The following ZNF407 variants were observed in gnomAD, a reference collection of about 807,000 sequenced individuals.
ZNF407 encodes zinc finger protein 407.
Under a neutral mutation model 131.2 loss-of-function variants are expected in ZNF407, and 17 were observed. That is an observed-to-expected ratio of 0.13 (90% CI 0.09 to 0.19). The LOEUF is 0.19. Among genes scored for constraint, ZNF407 ranks in the 10% least tolerant of loss-of-function variants. ZNF407 has a pLI of 1.00. For synonymous variants in ZNF407, 1,156 were observed against 1,062.0 expected, an observed-to-expected ratio of 1.09 and a Z score of -1.72; for missense variants, 2,681 against 2,830.6, an observed-to-expected ratio of 0.95 and a Z score of 1.20.
chr18:74,732,486 A>G (rs1968316346), intron 3 of ZNF407, among the ~76,000 whole-genome samples: 1 of 152,194 alleles, frequency 6.6e-6, no homozygotes, highest in Non-Finnish European at 1.5e-5. Flanking sequence ...CCTCTAAGCC[A>G]AGATGAGAGT....
chr18:74,863,134 TG>T (rs1199674034), intron 4 of ZNF407, among the ~76,000 whole-genome samples: 4 of 151,958 alleles, frequency 2.6e-5, no homozygotes, highest in African/African-American at 7.2e-5. Flanking sequence ...TTGACCAGGC[TG>T]GTCTTGAACT....
rs1972955700 is a variant in ZNF407, at chr18:75,010,039, A to G, written c.5429-53111A>G. On this transcript the variant is annotated intron_variant, in intron 8 of 8. Transcript: ENST00000299687. ...AAAGTGTAGAAATGCTAAAAGTCAC[A>G]AAGTGGGAAAAGAAAACATTATGCA... Among the ~76,000 whole-genome samples the G allele has an allele frequency of 2.6e-5, 4 of 152,226 alleles. No homozygotes were observed. In the South Asian group the frequency reaches 8.3e-4, roughly 32 times the overall value.
At chr18:74,681,605 AT>A (rs1966984712) in intron 3 of ZNF407, among the ~76,000 whole-genome samples, 4 of 152,248 alleles carry the variant, frequency 2.6e-5, no homozygotes, top group Admixed American at 2.6e-4. Flanking sequence ...TAGACCTTAG[AT>A]TTGTACGATG....
At chr18:74,621,323 G>A (rs1983500541) in intron 1 of ZNF407, among the ~76,000 whole-genome samples, 1 of 152,078 alleles carries the variant, frequency 6.6e-6, no homozygotes, top group South Asian at 2.1e-4. Flanking sequence ...AAAGCAATAA[G>A]CATTTATCAT....
In ZNF407 at chr18:74,640,999, T is replaced by A. The variant is rs1452865612; in HGVS notation, c.4688-9T>A. 6.2e-7 allele frequency: 1 copy of A among 1,602,718 alleles called. No homozygotes were observed. Among genetic ancestry groups the A allele is most frequent in the South Asian group, 1.1e-5 (1 of 90,802 alleles). On this transcript the variant is annotated splice_polypyrimidine_tract_variant and intron_variant, in intron 2 of 8. Coordinates refer to ENST00000299687, the MANE Select transcript of ZNF407 (RefSeq NM_017757.3). ...AAATCAAATCATATTTTATGTTAAATTTACTCAGGATCAAAACCATTCAAG... is the reference window on the plus strand; with the variant it reads ...AAATCAAATCATATTTTATGTTAAAATTACTCAGGATCAAAACCATTCAAG...
rs186285820 is a variant in ZNF407 at position 74,821,256 on chromosome 18, A to G, written c.4877+39754A>G. 1.4e-4 allele frequency among the ~76,000 whole-genome samples: 21 copies of G among 152,078 alleles called. No homozygotes were observed. The East Asian group carries it at 3.5e-3, about 25-fold the overall frequency. On this transcript the variant is annotated intron_variant, in intron 4 of 8. Transcript: ENST00000299687. ...AAGTTTTAGACTTAGTTTTCAAGGC[A>G]TTGAGAAGCTATGCAGTATTATTTT...
chr18:74,629,847 A>G (rs912173377), intron 1 of ZNF407, among the ~76,000 whole-genome samples: 3 of 152,238 alleles, frequency 2.0e-5, no homozygotes, highest in Non-Finnish European at 2.9e-5. Context: ...ATTAAATAGC[A>G]TAATGAAAAA....
chr18:74,999,257 A>G (rs1599286281), intron 8 of ZNF407, among the ~76,000 whole-genome samples: 1 of 103,970 alleles, frequency 9.6e-6, no homozygotes, highest in East Asian at 3.0e-4. Flanking sequence ...TAGATGACAC[A>G]TTAGTGGGTG....
chr18:75,012,091 A>T (rs1972980885), intron 8 of ZNF407, among the ~76,000 whole-genome samples: 1 of 152,178 alleles, frequency 6.6e-6, no homozygotes, highest in Admixed American at 6.5e-5. Flanking sequence ...CTGTAACACT[A>T]GCACTCTGTT....
chr18:74,844,227 C>A (rs920616413), intron 4 of ZNF407, among the ~76,000 whole-genome samples: 6 of 152,158 alleles, frequency 3.9e-5, no homozygotes, highest in African/African-American at 1.4e-4. Flanking sequence ...TTCTCCTCCC[C>A]CATGGCGTGA....
At chr18:74,679,425 A>G (rs1434156777) in intron 3 of ZNF407, among the ~76,000 whole-genome samples, 2 of 152,318 alleles carry the variant, frequency 1.3e-5, no homozygotes, top group Non-Finnish European at 1.5e-5. Flanking sequence ...TACGGGGTGA[A>G]GTCTGATTCT....
chr18:74,934,632 C>A (rs962480717), intron 8 of ZNF407, among the ~76,000 whole-genome samples: 1 of 152,134 alleles, frequency 6.6e-6, no homozygotes, highest in Non-Finnish European at 1.5e-5. Context: ...ATGGCAAAAC[C>A]CCGTCTCTAC....
chr18:75,016,683 T>C (rs1412844980), intron 8 of ZNF407, among the ~76,000 whole-genome samples: 1 of 152,194 alleles, frequency 6.6e-6, no homozygotes, highest in Non-Finnish European at 1.5e-5. Flanking sequence ...TCATTGTGAG[T>C]AATTTTAATA....
chr18:74,732,101 T>C (rs1303874220), intron 3 of ZNF407, among the ~76,000 whole-genome samples: 1 of 152,222 alleles, frequency 6.6e-6, no homozygotes, highest in Non-Finnish European at 1.5e-5. Flanking sequence ...TTGGGACTTA[T>C]ATTTTTTGCT....
At chr18:74,705,813 T>C (rs989013045) in intron 3 of ZNF407, among the ~76,000 whole-genome samples, 2 of 152,202 alleles carry the variant, frequency 1.3e-5, no homozygotes, top group African/African-American at 2.4e-5. Context: ...ATGTGAACTT[T>C]CTTTTGCAGG....
chr18:74,979,731 A>G (rs1283123930), intron 8 of ZNF407, among the ~76,000 whole-genome samples: 1 of 152,240 alleles, frequency 6.6e-6, no homozygotes, highest in Non-Finnish European at 1.5e-5. Context: ...ATAATGTTCG[A>G]CCTTAATAGT....
In ZNF407 at chr18:74,881,259, G is replaced by T. The variant is rs185672307; in HGVS notation, c.5128+140G>T. 141 of 654,594 alleles carry T rather than the reference G, an allele frequency of 2.2e-4. No individual in the cohort carries two copies. The African/African-American group carries it at 2.3e-3, about 11-fold the overall frequency. 40.5% of individuals were successfully genotyped at this position (654,594 alleles called of 1,614,324 possible). On this transcript the variant is annotated intron_variant, in intron 6 of 8. Transcript: ENST00000299687. ...ACTTGAAGGTCTACAGATAATTCCA[G>T]TTGAATAACATAAAATTTTAAATCA...
intron 4 of ZNF407, among the ~76,000 whole-genome samples, chr18:74,825,872 C>T (rs529528283): frequency 7.9e-5 from 12 of 152,198 alleles, no homozygotes; most frequent in African/African-American, 2.6e-4. Flanking sequence ...GGGTATGTGG[C>T]GTATTGTCAC....
At position 74,768,205 on chromosome 18, in the gene ZNF407, C is replaced by T. The variant is rs72971375; in HGVS notation, c.4803-13223C>T. 6.1e-3 allele frequency among the ~76,000 whole-genome samples: 934 copies of T among 152,232 alleles called. 10 individuals are homozygous for T. Among genetic ancestry groups the T allele is most frequent in the Non-Finnish European group, 7.4e-3 (504 of 68,010 alleles). Reference sequence around the variant, plus strand: ...AGCTGTTGGACAGGTTGGCACATCTCGCCTGCAAGCTCCTTGATTACCCAA... The same window carrying T: ...AGCTGTTGGACAGGTTGGCACATCTTGCCTGCAAGCTCCTTGATTACCCAA... On this transcript the variant is annotated intron_variant, in intron 3 of 8. Coordinates refer to ENST00000299687, the MANE Select transcript of ZNF407 (RefSeq NM_017757.3).
Sources: allele counts gnomAD v4.1 joint callset (sites outside exome capture counted in the v4.1 genomes callset), GRCh38; gene constraint gnomAD v4.1.1; transcripts MANE v1.5; gene names NCBI Gene and HGNC (gene_info 2026-07-23, HGNC 2026-07-21).